The following CDK19 variants were observed in gnomAD, a reference collection of about 807,000 sequenced individuals.
CDK19 encodes the protein cyclin-dependent kinase 19.
In CDK19, 20 loss-of-function variants were observed where a neutral mutation model predicts 68.3. The ratio of observed to expected loss-of-function variants is 0.29; its 90% CI spans 0.21 to 0.43. The LOEUF is 0.43. CDK19 is among the 20% of genes least tolerant of loss of function. The probability of loss-of-function intolerance (pLI) is 1.00; values close to 1 mark genes in which losing one functional copy is unlikely to be tolerated. For missense variants in CDK19, 339 were observed against 623.5 expected (o/e 0.54, Z 4.86); for synonymous variants, 221 against 222.8 (o/e 0.99, Z 0.07).
chr6:110,791,944 C>A (rs1195456027), intron 1 of CDK19, among the ~76,000 whole-genome samples: 1 of 151,888 alleles, frequency 6.6e-6, no homozygotes, highest in African/African-American at 2.4e-5. Context: ...CCAAGCCCAG[C>A]CACCCAGCAT....
intron 2 of CDK19, among the ~76,000 whole-genome samples, chr6:110,672,262 G>A (rs9481093): frequency 0.014 from 2,117 of 152,242 alleles, 52 homozygotes; most frequent in African/African-American, 0.049. Context: ...TTTGCAGCCT[G>A]AAGTAGATGG....
chr6:110,664,186 T>C (rs1047498093), intron 4 of CDK19, among the ~76,000 whole-genome samples: 1 of 152,214 alleles, frequency 6.6e-6, no homozygotes, highest in African/African-American at 2.4e-5. Context: ...CTTTCTGAGA[T>C]AATCCAAGTG....
chr6:110,774,297 C>T (rs891589075), intron 1 of CDK19, among the ~76,000 whole-genome samples: 6 of 152,032 alleles, frequency 3.9e-5, no homozygotes, highest in African/African-American at 1.4e-4. Context: ...TGCAGTAGTC[C>T]CCCCTTATCC....
chr6:110,695,449 G>C (rs1773395181), intron 2 of CDK19, among the ~76,000 whole-genome samples: 1 of 151,986 alleles, frequency 6.6e-6, no homozygotes, highest in Admixed American at 6.6e-5. Context: ...AGGAGCTAGA[G>C]AAACAAGGAC....
chr6:110,705,453 T>A (rs1228018052), intron 2 of CDK19, among the ~76,000 whole-genome samples: 1 of 152,132 alleles, frequency 6.6e-6, no homozygotes, highest in Non-Finnish European at 1.5e-5. Context: ...CAACTGCAGG[T>A]AAAGAACTTG....
intron 1 of CDK19, among the ~76,000 whole-genome samples, chr6:110,793,893 CTGCACCAGCCCAGCA>C (rs893254547): frequency 6.6e-6 from 1 of 152,214 alleles, no homozygotes; most frequent in African/African-American, 2.4e-5. Context: ...CCTGGCACAA[CTGCACCAGCCCAGCA>C]TGCCCCATCT....
chr6:110,736,495 T>C (rs770795114), intron 2 of CDK19, among the ~76,000 whole-genome samples: 12 of 152,206 alleles, frequency 7.9e-5, no homozygotes, highest in Non-Finnish European at 1.6e-4. Flanking sequence ...CTTTCCCACA[T>C]TACGATCTGA....
chr6:110,645,617 C>A, intron 4 of CDK19: 1 of 257,590 alleles, frequency 3.9e-6, no homozygotes, highest in Non-Finnish European at 7.7e-6. Flanking sequence ...ATCCTCGGTC[C>A]CTCGGGACTA....
intron 6 of CDK19, among the ~76,000 whole-genome samples, chr6:110,628,388 GTTC>G (rs1380563779): frequency 6.6e-6 from 1 of 152,122 alleles, no homozygotes; most frequent in Non-Finnish European, 1.5e-5. Context: ...AACCACTGCA[GTTC>G]GAAAATATTA....
intron 4 of CDK19, among the ~76,000 whole-genome samples, chr6:110,654,864 C>T (rs1270577712): frequency 6.6e-6 from 1 of 151,534 alleles, no homozygotes; most frequent in Admixed American, 6.6e-5. Context: ...TCACTTGAAC[C>T]CGGGAGGTGG....
At chr6:110,654,111 A>AT (rs1187423313) in intron 4 of CDK19, among the ~76,000 whole-genome samples, 2 of 152,246 alleles carry the variant, frequency 1.3e-5, no homozygotes, top group African/African-American at 4.8e-5. Context: ...GCTTGATATT[A>AT]ATGGCTACAA....
At chr6:110,717,525 T>A (rs191000826) in intron 2 of CDK19, among the ~76,000 whole-genome samples, 197 of 152,330 alleles carry the variant, frequency 1.3e-3, no homozygotes, top group African/African-American at 4.4e-3. Context: ...GACTCATCTT[T>A]TCAAGACTGT....
chr6:110,814,862 T>C (rs1400795119), intron 1 of CDK19, 147 bp downstream of exon 1: 2 of 1,054,506 alleles, frequency 1.9e-6, no homozygotes, highest in East Asian at 2.8e-5. Context: ...CGGGCGCCCC[T>C]CGGAGTCGGT....
In CDK19 at chr6:110,749,849, T is replaced by C. The variant is rs1416808518; in HGVS notation, c.129-3648A>G. On this transcript the variant is annotated intron_variant, in intron 1 of 12. Transcript: ENST00000368911. ...GTGCAGTGGCATGATCTCAGTTCAG[T>C]GCAACCTCCGCCTCCCAGGTTCAAG... Among the ~76,000 whole-genome samples, 2 of 109,144 alleles carry C rather than the reference T, an allele frequency of 1.8e-5. 1 individual carries two copies. Among genetic ancestry groups the C allele is most frequent in the Non-Finnish European group, 4.1e-5 (2 of 48,674 alleles). 71.6% of individuals were successfully genotyped at this position (109,144 alleles called of 152,430 possible). A position where few individuals can be genotyped will look rare whatever the true frequency, so the allele number is the denominator to read the frequency against.
At chr6:110,668,514 A>G (rs1782087028) in intron 3 of CDK19, among the ~76,000 whole-genome samples, 3 of 152,182 alleles carry the variant, frequency 2.0e-5, no homozygotes, top group African/African-American at 4.8e-5. Flanking sequence ...AGCCACATGT[A>G]TAACTTTCCA....
chr6:110,670,358 AAT>A (rs1397249389), intron 3 of CDK19, 71 bp downstream of exon 3: 11 of 744,252 alleles, frequency 1.5e-5, no homozygotes, highest in Non-Finnish European at 2.5e-5. Flanking sequence ...GTGCATTAAC[AAT>A]ATGTATTTTA....
At chr6:110,787,339 A>G (rs1238507274) in intron 1 of CDK19, among the ~76,000 whole-genome samples, 3 of 152,016 alleles carry the variant, frequency 2.0e-5, no homozygotes, top group Non-Finnish European at 4.4e-5. Flanking sequence ...GTGCCACTGC[A>G]TTCCAGCTTG....
chr6:110,711,130 A>G (rs1160417320), intron 2 of CDK19, among the ~76,000 whole-genome samples: 1 of 152,224 alleles, frequency 6.6e-6, no homozygotes, highest in Non-Finnish European at 1.5e-5. Context: ...TCCTACACTA[A>G]TAAAACCTAA....
chr6:110,781,717 C>A (rs1562283698), intron 1 of CDK19, among the ~76,000 whole-genome samples: 1 of 151,816 alleles, frequency 6.6e-6, no homozygotes, highest in Non-Finnish European at 1.5e-5. Flanking sequence ...GTTGCCACAT[C>A]CTGGTAGTCC....
Sources: gnomAD v4.1 joint callset for allele counts (sites outside exome capture counted in the v4.1 genomes callset) on GRCh38, gnomAD v4.1.1 for gene constraint, MANE v1.5 for transcripts, NCBI Gene and HGNC (gene_info 2026-07-23, HGNC 2026-07-21) for gene names.